The following RASA2 variants were observed in gnomAD, a reference collection of about 807,000 sequenced individuals.
The protein encoded by RASA2 is RAS p21 protein activator 2.
RASA2 carries 155 observed loss-of-function variants against 118.2 expected under a neutral mutation model. That is an observed-to-expected ratio of 1.31 (90% CI 1.15 to 1.50). The LOEUF is 1.50. RASA2 is among the 40% of genes most tolerant of loss of function. The pLI is 0.00. For synonymous variants in RASA2, 353 were observed against 349.1 expected (o/e 1.01, Z -0.12); for missense variants, 1,016 against 1,009.6 (o/e 1.01, Z -0.09).
intron 19 of RASA2, among the ~76,000 whole-genome samples, chr3:141,589,845 A>AG (rs1376687313): frequency 6.6e-6 from 1 of 152,102 alleles, no homozygotes; most frequent in East Asian, 1.9e-4. Flanking sequence ...TGTCTCCAAA[A>AG]AAAAAAGAAA....
intron 22 of RASA2, 61 bp from the exon 23 acceptor site, chr3:141,609,816 A>G: frequency 7.0e-7 from 1 of 1,423,638 alleles, no homozygotes; most frequent in Non-Finnish European, 9.4e-7. Flanking sequence ...TATTTGTACT[A>G]CATATTGCAT....
intron 9 of RASA2, among the ~76,000 whole-genome samples, chr3:141,564,249 A>G (rs1239812518): frequency 6.6e-6 from 1 of 152,154 alleles, no homozygotes; most frequent in Non-Finnish European, 1.5e-5. Flanking sequence ...TCCCTCAGTT[A>G]TTTGGAGCTA....
chr3:141,491,552 C>G (rs879323622), intron 1 of RASA2, among the ~76,000 whole-genome samples: 2 of 152,070 alleles, frequency 1.3e-5, no homozygotes, highest in Non-Finnish European at 2.9e-5. Flanking sequence ...CAATGTTATC[C>G]TGTGGATAAT....
chr3:141,529,660 G>A (rs1394104602), intron 3 of RASA2, 48 bp from the exon 4 acceptor site: 2 of 1,354,226 alleles, frequency 1.5e-6, no homozygotes, highest in Non-Finnish European at 1.1e-6. Context: ...TGAGTCTTAG[G>A]ATTATACGAA....
chr3:141,609,610 A>G (rs1228069422), intron 22 of RASA2, 87 bp downstream of exon 22: 10 of 1,045,606 alleles, frequency 9.6e-6, no homozygotes, highest in Non-Finnish European at 1.3e-5. Context: ...AAAGTTGAAA[A>G]TACTCATAGA....
intron 4 of RASA2, among the ~76,000 whole-genome samples, chr3:141,535,473 A>T (rs1560014990): frequency 6.6e-6 from 1 of 152,220 alleles, no homozygotes; most frequent in South Asian, 2.1e-4. Context: ...TTTTAAGTGC[A>T]TGTATTATGT....
intron 3 of RASA2, among the ~76,000 whole-genome samples, chr3:141,518,715 AACAAT>A (rs1198664293): frequency 2.0e-5 from 3 of 151,768 alleles, no homozygotes; most frequent in African/African-American, 7.3e-5. Context: ...TAACCTTTAA[AACAAT>A]ATGTTTTTCT....
chr3:141,604,229 A>C (rs893903263), intron 19 of RASA2, among the ~76,000 whole-genome samples: 2 of 152,106 alleles, frequency 1.3e-5, no homozygotes, highest in East Asian at 3.8e-4. Context: ...CATTACTACT[A>C]CTTTGTTTTG....
At chr3:141,543,681 C>A (rs914257426) in intron 5 of RASA2, among the ~76,000 whole-genome samples, 2 of 151,804 alleles carry the variant, frequency 1.3e-5, no homozygotes, top group African/African-American at 4.8e-5. Context: ...ATATAGAATT[C>A]TGAGTGGACA....
chr3:141,493,663 A>G (rs1450741065), intron 1 of RASA2, among the ~76,000 whole-genome samples: 1 of 152,216 alleles, frequency 6.6e-6, no homozygotes, highest in Non-Finnish European at 1.5e-5. Flanking sequence ...GTTTGTTTGC[A>G]TATATATTTG....
At chr3:141,550,926 G>T (rs909308816) in intron 5 of RASA2, among the ~76,000 whole-genome samples, 2 of 152,092 alleles carry the variant, frequency 1.3e-5, no homozygotes, top group African/African-American at 2.4e-5. Flanking sequence ...GTTTAATTCC[G>T]CTCAGTATGT....
At chr3:141,512,360 CAAG>C in intron 2 of RASA2, 80 bp downstream of exon 2, 1 of 994,688 alleles carries the variant, frequency 1.0e-6, no homozygotes, top group Middle Eastern at 3.0e-4. Flanking sequence ...TTATAATAAT[CAAG>C]AAGACAAGAC....
At chr3:141,567,287 G>A (rs772384100) in intron 9 of RASA2, among the ~76,000 whole-genome samples, 13 of 151,598 alleles carry the variant, frequency 8.6e-5, no homozygotes, top group East Asian at 3.9e-4. Context: ...GTGGTGGCCC[G>A]CGCCTGTAGT....
intron 4 of RASA2, 61 bp from the exon 5 acceptor site, chr3:141,540,472 T>C: frequency 7.2e-7 from 1 of 1,384,830 alleles, no homozygotes; most frequent in Non-Finnish European, 1.0e-6. Context: ...AAAAGGCACA[T>C]ACCTTTAATA....
intron 1 of RASA2, among the ~76,000 whole-genome samples, chr3:141,505,774 TTGTGTG>T (rs35375776): frequency 2.7e-5 from 4 of 150,574 alleles, no homozygotes; most frequent in East Asian, 3.9e-4. Context: ...GTCTCTGTGT[TTGTGTG>T]TGTGTGTGTG....
chr3:141,512,715 G>A (rs1015617015), intron 2 of RASA2, among the ~76,000 whole-genome samples: 1 of 152,192 alleles, frequency 6.6e-6, no homozygotes, highest in Admixed American at 6.5e-5. Flanking sequence ...CCGTAGCAAT[G>A]TGAACATAAT....
intron 1 of RASA2, among the ~76,000 whole-genome samples, chr3:141,492,823 A>G (rs547046210): frequency 6.6e-6 from 1 of 152,316 alleles, no homozygotes; most frequent in East Asian, 1.9e-4. Context: ...GTGACTGTTA[A>G]TTAATTCAGC....
chr3:141,506,277 G>A (rs184636030), intron 1 of RASA2, among the ~76,000 whole-genome samples: 20 of 152,342 alleles, frequency 1.3e-4, no homozygotes, highest in Admixed American at 1.3e-3. Flanking sequence ...GAAGGAAATA[G>A]TGACAGTTGT....
At chr3:141,533,904 G>T (rs2082292489) in intron 4 of RASA2, among the ~76,000 whole-genome samples, 1 of 152,160 alleles carries the variant, frequency 6.6e-6, no homozygotes. Context: ...GTGTCAATAA[G>T]TCTAGTGGAC....
Sources: allele counts gnomAD v4.1 joint callset (sites outside exome capture counted in the v4.1 genomes callset), GRCh38; gene constraint gnomAD v4.1.1; transcripts MANE v1.5; gene names NCBI Gene and HGNC (gene_info 2026-07-23, HGNC 2026-07-21).